The following NEGR1 variants were observed in gnomAD, a reference collection of about 807,000 sequenced individuals.
NEGR1 encodes the protein IgLON family member 4.
A neutral mutation model predicts 40.9 loss-of-function variants in NEGR1; 10 were observed. That is an observed-to-expected ratio of 0.24 (90% confidence interval 0.15 to 0.42). NEGR1 has a LOEUF of 0.42. NEGR1 is among the 10% of genes least tolerant of loss of function. NEGR1 has a pLI of 1.00. For synonymous variants in NEGR1, 185 were observed against 166.8 expected (o/e 1.11, Z -0.84); for missense variants, 352 against 438.9 (o/e 0.80, Z 1.77).
intron 1 of NEGR1, among the ~76,000 whole-genome samples, chr1:72,266,840 T>C (rs1400620698): frequency 6.7e-6 from 1 of 149,822 alleles, no homozygotes. Flanking sequence ...ATTAAAACCC[T>C]TTTTTTTGAA....
chr1:71,560,621 G>T (rs181591342), intron 6 of NEGR1, among the ~76,000 whole-genome samples: 3 of 150,860 alleles, frequency 2.0e-5, no homozygotes, highest in Non-Finnish European at 4.5e-5. Context: ...GAATCATACT[G>T]GGTTTTGGTT....
intron 4 of NEGR1, among the ~76,000 whole-genome samples, chr1:71,639,116 G>A: frequency 6.6e-6 from 1 of 151,712 alleles, no homozygotes; most frequent in East Asian, 2.0e-4. Flanking sequence ...CACATGTGCT[G>A]GTGCTCAGAG....
intron 1 of NEGR1, among the ~76,000 whole-genome samples, chr1:72,254,824 C>T (rs1655214032): frequency 6.6e-6 from 1 of 151,710 alleles, no homozygotes; most frequent in Admixed American, 6.6e-5. Flanking sequence ...TAAGTTATAT[C>T]CATTCTTTGT....
chr1:71,634,706 A>G (rs1017076801), intron 4 of NEGR1, among the ~76,000 whole-genome samples: 1 of 152,126 alleles, frequency 6.6e-6, no homozygotes, highest in Non-Finnish European at 1.5e-5. Context: ...GAGTCACTCC[A>G]CATTACTGTG....
intron 6 of NEGR1, among the ~76,000 whole-genome samples, chr1:71,442,417 C>A (rs551451986): frequency 6.6e-6 from 1 of 152,026 alleles, no homozygotes; most frequent in African/African-American, 2.4e-5. Flanking sequence ...GAGTTCGAGA[C>A]CAGCCTGGAA....
rs1419021819 is a variant in NEGR1, at chr1:71,438,829, C to G, written c.941-31259G>C. On this transcript the variant is annotated intron_variant, in intron 6 of 6. Coordinates refer to ENST00000357731, the MANE Select transcript of NEGR1 (RefSeq NM_173808.3). Reference sequence around the variant, plus strand: ...ATGGCCAGAACCTGAATATGCTGATCTAGAAGGCTGGCAAGTCTCACTGGC... The same window carrying G: ...ATGGCCAGAACCTGAATATGCTGATGTAGAAGGCTGGCAAGTCTCACTGGC... Among the ~76,000 whole-genome samples, 4 of 152,296 alleles carry G rather than the reference C, an allele frequency of 2.6e-5. No individual in the cohort carries two copies. In the East Asian group the frequency reaches 5.8e-4, roughly 22 times the overall value.
chr1:71,805,248 T>C (rs963522809), intron 2 of NEGR1, among the ~76,000 whole-genome samples: 1 of 152,210 alleles, frequency 6.6e-6, no homozygotes, highest in African/African-American at 2.4e-5. Flanking sequence ...CCTGTGATCT[T>C]GCCCTGCCTC....
At chr1:71,546,165 T>C (rs1180310908) in intron 6 of NEGR1, among the ~76,000 whole-genome samples, 2 of 151,716 alleles carry the variant, frequency 1.3e-5, no homozygotes, top group African/African-American at 4.8e-5. Flanking sequence ...AGTGTAAAGG[T>C]GATTTGATCC....
intron 2 of NEGR1, among the ~76,000 whole-genome samples, chr1:71,888,243 T>C (rs941734341): frequency 6.6e-6 from 1 of 152,196 alleles, no homozygotes; most frequent in Middle Eastern, 3.4e-3. Flanking sequence ...ACAGCTCCAG[T>C]CTACAGCTCC....
intron 2 of NEGR1, among the ~76,000 whole-genome samples, chr1:71,786,081 T>C (rs984064075): frequency 2.0e-5 from 3 of 152,106 alleles, no homozygotes; most frequent in Non-Finnish European, 4.4e-5. Context: ...ATCATGAAGA[T>C]AATATACATT....
At chr1:71,868,533 A>G (rs889935492) in intron 2 of NEGR1, among the ~76,000 whole-genome samples, 12 of 151,990 alleles carry the variant, frequency 7.9e-5, no homozygotes, top group African/African-American at 2.7e-4. Flanking sequence ...TATATTATAT[A>G]AATACTTTGC....
At chr1:72,255,998 G>T (rs1655261437) in intron 1 of NEGR1, among the ~76,000 whole-genome samples, 2 of 152,204 alleles carry the variant, frequency 1.3e-5, no homozygotes, top group South Asian at 4.1e-4. Context: ...TACAATAAAA[G>T]GATCAGCAAC....
chr1:71,685,554 T>G lies in NEGR1; in HGVS notation c.667+12454A>C, dbSNP rs113839937. Among the ~76,000 whole-genome samples, 792 of 152,258 alleles carry G rather than the reference T, an allele frequency of 5.2e-3. 6 individuals carry two copies. Among genetic ancestry groups the G allele is most frequent in the Middle Eastern group, 0.031 (9 of 294 alleles). On this transcript the variant is annotated intron_variant, in intron 4 of 6. Transcript: ENST00000357731. ...CCAGCCTGCTCTTGAACTCCTGACT[T>G]TGTTCTCTGTCCGCATTGGCTTTCC...
intron 2 of NEGR1, among the ~76,000 whole-genome samples, chr1:71,901,330 C>G (rs928614828): frequency 2.0e-5 from 3 of 152,150 alleles, no homozygotes; most frequent in African/African-American, 7.2e-5. Context: ...CTATTTCTGG[C>G]ACATTCGTAC....
rs952173623 is a variant in NEGR1, at chr1:71,926,266, ATTC to A, written c.409+8810_409+8812del. On this transcript the variant is annotated intron_variant, in intron 2 of 6. Coordinates refer to ENST00000357731, the MANE Select transcript of NEGR1 (RefSeq NM_173808.3). Reference sequence around the variant, plus strand: ...AGTCTCCAAATGAATAATATATAATATTCTTCTTCTTTCTTATATATCCTATTC... The same window carrying A: ...AGTCTCCAAATGAATAATATATAATATTCTTCTTTCTTATATATCCTATTC... 7.3e-4 allele frequency among the ~76,000 whole-genome samples: 111 copies of A among 151,938 alleles called. 1 individual carries two copies. Among genetic ancestry groups the A allele is most frequent in the African/African-American group, 2.6e-3 (108 of 41,468 alleles).
intron 1 of NEGR1, among the ~76,000 whole-genome samples, chr1:72,067,464 T>C (rs1400944859): frequency 6.6e-6 from 1 of 152,054 alleles, no homozygotes; most frequent in Non-Finnish European, 1.5e-5. Flanking sequence ...TACAGAAAAA[T>C]AATTGACTAG....
At chr1:71,454,259 G>T (rs1646654007) in intron 6 of NEGR1, among the ~76,000 whole-genome samples, 2 of 151,934 alleles carry the variant, frequency 1.3e-5, no homozygotes, top group African/African-American at 4.8e-5. Context: ...TTACTAGAGT[G>T]GATTTTCTGC....
chr1:72,026,989 G>A (rs761535549), intron 1 of NEGR1, among the ~76,000 whole-genome samples: 5 of 151,894 alleles, frequency 3.3e-5, no homozygotes, highest in Non-Finnish European at 7.4e-5. Context: ...GCAGTGGCGC[G>A]ATCTGGGCTC....
At chr1:72,147,247 T>C (rs749522258) in intron 1 of NEGR1, among the ~76,000 whole-genome samples, 1 of 152,302 alleles carries the variant, frequency 6.6e-6, no homozygotes, top group Non-Finnish European at 1.5e-5. Flanking sequence ...TGAGATTTAA[T>C]TGGACTTACA....
Sources: allele counts gnomAD v4.1 joint callset (sites outside exome capture counted in the v4.1 genomes callset), GRCh38; gene constraint gnomAD v4.1.1; transcripts MANE v1.5; gene names NCBI Gene and HGNC (gene_info 2026-07-23, HGNC 2026-07-21).